Variants in KLHL1 observed in about 807,000 individuals in gnomAD.
The protein encoded by KLHL1 is kelch like family member 1.
In KLHL1, 47 loss-of-function variants were observed where a neutral mutation model predicts 77.7. The ratio of observed to expected loss-of-function variants is 0.60; its 90% CI spans 0.48 to 0.77. The LOEUF (loss-of-function observed/expected upper bound fraction) is 0.77. KLHL1 is among the 30% of genes least tolerant of loss of function. KLHL1 has a pLI of 0.00. For synonymous variants in KLHL1, 360 were observed against 325.2 expected, an observed-to-expected ratio of 1.11 and a Z score of -1.15; for missense variants, 925 against 910.8, an observed-to-expected ratio of 1.02 and a Z score of -0.20.
chr13:69,908,638 A>G lies in KLHL1; in HGVS notation c.1015-26143T>C, dbSNP rs1365397455. Among the ~76,000 whole-genome samples the G allele has an allele frequency of 3.3e-5, 5 of 151,558 alleles. No homozygotes were observed. In the Admixed American group the frequency reaches 3.3e-4, roughly 10 times the overall value. On this transcript the variant is annotated intron_variant, in intron 4 of 10. Transcript: ENST00000377844. ...TATGAATTATTGCATATGTTTTCAAATGTTATACCTTGTACAATTATTGAC... is the reference window on the plus strand; with the variant it reads ...TATGAATTATTGCATATGTTTTCAAGTGTTATACCTTGTACAATTATTGAC...
chr13:69,878,709 T>G (rs140642281), intron 5 of KLHL1, among the ~76,000 whole-genome samples: 3,582 of 149,668 alleles, frequency 0.024, 82 homozygotes, highest in East Asian at 0.1. Flanking sequence ...TATATATATA[T>G]ATAGAGAGAG....
intron 8 of KLHL1, among the ~76,000 whole-genome samples, chr13:69,730,267 A>ATGTGTG (rs56271435): frequency 6.3e-5 from 9 of 143,924 alleles, no homozygotes; most frequent in East Asian, 4.0e-4. Flanking sequence ...TAACACTTTA[A>ATGTGTG]TGTGTGTGTG....
intron 2 of KLHL1, among the ~76,000 whole-genome samples, chr13:69,967,408 A>G (rs1044388594): frequency 5.9e-5 from 9 of 152,178 alleles, no homozygotes; most frequent in Non-Finnish European, 1.2e-4. Flanking sequence ...GTAACCTCTA[A>G]CCAAAGAATT....
intron 1 of KLHL1, among the ~76,000 whole-genome samples, chr13:70,012,949 T>A (rs1049252960): frequency 6.6e-6 from 1 of 151,994 alleles, no homozygotes; most frequent in African/African-American, 2.4e-5. Context: ...TAATATACTT[T>A]TAATATTTTG....
At chr13:69,992,407 GAATT>G (rs1793775345) in intron 1 of KLHL1, among the ~76,000 whole-genome samples, 1 of 151,904 alleles carries the variant, frequency 6.6e-6, no homozygotes, top group South Asian at 2.1e-4. Context: ...TTTGGGCTCT[GAATT>G]AAGAAAGGAA....
At chr13:69,839,970 CA>C (rs1879178104) in intron 5 of KLHL1, among the ~76,000 whole-genome samples, 1 of 151,720 alleles carries the variant, frequency 6.6e-6, no homozygotes, top group Admixed American at 6.6e-5. Flanking sequence ...CTTTGAGTGA[CA>C]ATAAAATGTG....
intron 1 of KLHL1, among the ~76,000 whole-genome samples, chr13:69,990,958 T>C (rs138221162): frequency 1.1e-3 from 167 of 152,050 alleles, no homozygotes; most frequent in African/African-American, 3.6e-3. Context: ...AACCACACTC[T>C]TGGACCACGG....
chr13:69,813,283 T>A (rs1017145015), intron 6 of KLHL1, among the ~76,000 whole-genome samples: 3 of 151,054 alleles, frequency 2.0e-5, no homozygotes, highest in Admixed American at 1.3e-4. Context: ...ATGAGAACAC[T>A]TGGACACAGG....
intron 7 of KLHL1, among the ~76,000 whole-genome samples, chr13:69,778,448 A>G (rs1276123655): frequency 6.6e-6 from 1 of 150,922 alleles, no homozygotes; most frequent in East Asian, 1.9e-4. Flanking sequence ...AAAAGAAATC[A>G]TTTCTATTCA....
intron 1 of KLHL1, among the ~76,000 whole-genome samples, chr13:69,994,588 T>C (rs1319341022): frequency 6.6e-6 from 1 of 152,092 alleles, no homozygotes; most frequent in Non-Finnish European, 1.5e-5. Flanking sequence ...TAAATTACAG[T>C]ATTGTACTAA....
intron 7 of KLHL1, among the ~76,000 whole-genome samples, chr13:69,756,881 C>A (rs1874769153): frequency 6.6e-6 from 1 of 152,146 alleles, no homozygotes; most frequent in South Asian, 2.1e-4. Context: ...GGCTAGGAAT[C>A]TTTAGCAAAG....
intron 5 of KLHL1, among the ~76,000 whole-genome samples, chr13:69,850,537 C>G (rs1203618862): frequency 1.3e-5 from 2 of 151,432 alleles, no homozygotes; most frequent in Non-Finnish European, 3.0e-5. Context: ...TGTCTACGAC[C>G]CTTCCATTTC....
At chr13:69,983,672 C>G (rs539498915) in intron 1 of KLHL1, among the ~76,000 whole-genome samples, 1 of 149,720 alleles carries the variant, frequency 6.7e-6, no homozygotes, top group African/African-American at 2.5e-5. Context: ...GAGGCTATGA[C>G]AGGAGGGTCG....
At chr13:70,071,286 A>G (rs900685781) in intron 1 of KLHL1, among the ~76,000 whole-genome samples, 10 of 152,092 alleles carry the variant, frequency 6.6e-5, no homozygotes, top group African/African-American at 2.4e-4. Context: ...ACTACATGAT[A>G]AAAGGGTGAA....
At chr13:69,956,653 AAC>A (rs1305286424) in intron 3 of KLHL1, among the ~76,000 whole-genome samples, 2 of 151,502 alleles carry the variant, frequency 1.3e-5, no homozygotes, top group Non-Finnish European at 3.0e-5. Flanking sequence ...CTATTCCAGT[AAC>A]AGAGTCAACA....
chr13:69,755,924 T>G (rs1874706922), intron 7 of KLHL1, among the ~76,000 whole-genome samples: 1 of 152,172 alleles, frequency 6.6e-6, no homozygotes, highest in Non-Finnish European at 1.5e-5. Flanking sequence ...TTGTGAAAAT[T>G]TCTTAATCTT....
intron 1 of KLHL1, among the ~76,000 whole-genome samples, chr13:70,041,324 T>C (rs1886375531): frequency 6.6e-6 from 1 of 152,194 alleles, no homozygotes; most frequent in Non-Finnish European, 1.5e-5. Flanking sequence ...AACCCAGGTG[T>C]TATAAATTTT....
At chr13:69,917,395 T>C (rs924171947) in intron 4 of KLHL1, among the ~76,000 whole-genome samples, 9 of 152,242 alleles carry the variant, frequency 5.9e-5, no homozygotes, top group African/African-American at 2.2e-4. Context: ...ACATTCACAA[T>C]GACTGTAAAT....
At chr13:70,100,949 A>G (rs1313784692) in intron 1 of KLHL1, among the ~76,000 whole-genome samples, 1 of 152,180 alleles carries the variant, frequency 6.6e-6, no homozygotes, top group Non-Finnish European at 1.5e-5. Flanking sequence ...TTTAATTCCA[A>G]CATATGCTAC....
Sources: allele counts gnomAD v4.1 joint callset (sites outside exome capture counted in the v4.1 genomes callset), GRCh38; gene constraint gnomAD v4.1.1; transcripts MANE v1.5; gene names NCBI Gene and HGNC (gene_info 2026-07-23, HGNC 2026-07-21).